Variants in NOS1 observed in about 807,000 individuals in gnomAD.
NOS1 encodes nitric oxide synthase 1, also known as NOS type I.
In NOS1, 51 loss-of-function variants were observed where a neutral mutation model predicts 164.5. The observed-to-expected ratio is 0.31, with a 90% CI of 0.25 to 0.39. NOS1 has a LOEUF of 0.39. Among genes scored for constraint, NOS1 ranks in the 10% least tolerant of loss-of-function variants. The probability of loss-of-function intolerance (pLI) is 1.00; values close to 1 mark genes in which losing one functional copy is unlikely to be tolerated. For synonymous variants in NOS1, 719 were observed against 745.8 expected, an observed-to-expected ratio of 0.96 and a Z score of 0.59; for missense variants, 1,362 against 1,885.6, an observed-to-expected ratio of 0.72 and a Z score of 5.14.
chr12:117,307,332 A>G (rs1317988292), intron 3 of NOS1, among the ~76,000 whole-genome samples: 1 of 152,112 alleles, frequency 6.6e-6, no homozygotes, highest in African/African-American at 2.4e-5. Flanking sequence ...GTGTGTGTAG[A>G]AATGAAGAAT....
chr12:117,255,836 G>A, intron 16 of NOS1: 1 of 638,216 alleles, frequency 1.6e-6, no homozygotes. Flanking sequence ...TTAGAACTCG[G>A]ATCTCCTTGA....
chr12:117,332,265 C>T (rs1875584430), intron 1 of NOS1, among the ~76,000 whole-genome samples: 1 of 152,170 alleles, frequency 6.6e-6, no homozygotes, highest in African/African-American at 2.4e-5. Flanking sequence ...TCGCTCTTAA[C>T]ACATATTTGT....
intron 28 of NOS1, among the ~76,000 whole-genome samples, chr12:117,217,820 TC>T (rs1229971129): frequency 6.6e-6 from 1 of 152,140 alleles, no homozygotes; most frequent in Non-Finnish European, 1.5e-5. Context: ...GCCTCAGGGT[TC>T]CCCTGGAGAA....
rs1243472085 is a variant in NOS1 at position 117,330,706 on chromosome 12, C to A, written c.364G>T (p.Val122Leu). The change falls in exon 2 of 29, where the codon GTG (valine) becomes TTG (leucine). Residue 122 changes from valine (V) to leucine (L), a missense_variant. Physicochemically the swap from Val to Leu is conservative, Grantham distance 32 (BLOSUM62 1). This residue lies in a region of NOS1 where 362 missense variants were observed against 402.0 expected (regional missense o/e 0.90). Transcript: ENST00000317775. The surrounding 1 kb of genome is among the most constrained non-coding windows in gnomAD (Gnocchi z 4.6). The part of the protein sequence containing the change: ...TGDGTPKTIR[V>L]TQPLGPPTKA... ...GTGGGGGGACCCAGGGGCTGTGTCA[C>A]CCGGATGGTCTTGGGGGTCCCATCA... The A allele has an allele frequency of 3.1e-6, 5 of 1,613,720 alleles. No homozygotes were observed. The highest frequency in any genetic ancestry group is 4.2e-6 in the Non-Finnish European group (5 of 1,179,902).
chr12:117,273,763 C>T (rs561894735), intron 9 of NOS1, among the ~76,000 whole-genome samples: 1 of 152,086 alleles, frequency 6.6e-6, no homozygotes, highest in African/African-American at 2.4e-5. Context: ...GTTCATCTGA[C>T]CCTAATCTCA....
At chr12:117,282,844 C>T (rs1225288244) in intron 7 of NOS1, among the ~76,000 whole-genome samples, 1 of 151,982 alleles carries the variant, frequency 6.6e-6, no homozygotes, top group Non-Finnish European at 1.5e-5. Context: ...TGTTTAGAAA[C>T]ACTAGAATCA....
chr12:117,284,630 GT>G (rs1351718026), intron 7 of NOS1, among the ~76,000 whole-genome samples: 2 of 152,136 alleles, frequency 1.3e-5, no homozygotes, highest in East Asian at 3.9e-4. Context: ...TCAACTATTT[GT>G]TCCTGTCCTC....
Position 117,243,012 on chromosome 12 carries a change from G to A in NOS1, c.2962+285C>T, listed in dbSNP as rs1334240892. Among the ~76,000 whole-genome samples the A allele has an allele frequency of 6.6e-6, 1 of 152,204 alleles. No homozygotes were observed. The highest frequency in any genetic ancestry group is 1.5e-5 in the Non-Finnish European group (1 of 68,034). On this transcript the variant is annotated intron_variant, in intron 19 of 28. Coordinates refer to ENST00000317775, the MANE Select transcript of NOS1 (RefSeq NM_000620.5). The surrounding 1 kb of genome is among the most constrained non-coding windows in gnomAD (Gnocchi z 4.3). The stretch of plus-strand genomic sequence containing the variant: ...GGCAGGCATTGGTTGGGATGGGTGG[G>A]GTGGTTGTGGGTAGTGCAGAACAAA...
chr12:117,262,488 G>GAA (rs1555253179), intron 13 of NOS1, among the ~76,000 whole-genome samples: 2 of 118,524 alleles, frequency 1.7e-5, no homozygotes, highest in Non-Finnish European at 3.2e-5. Flanking sequence ...AGGGGGAGGG[G>GAA]GAGAGAGAGA....
At chr12:117,333,713 G>A (rs953169701) in intron 1 of NOS1, among the ~76,000 whole-genome samples, 2 of 152,204 alleles carry the variant, frequency 1.3e-5, no homozygotes, top group African/African-American at 4.8e-5. Flanking sequence ...CGTCGCCCGC[G>A]TGCTGTGTCA....
intron 2 of NOS1, among the ~76,000 whole-genome samples, chr12:117,329,410 T>G (rs1468650215): frequency 6.6e-6 from 1 of 151,964 alleles, no homozygotes; most frequent in Non-Finnish European, 1.5e-5. Context: ...GGGGAAAGGG[T>G]TGGGAAATCT....
chr12:117,311,329 C>T (rs1874420313), intron 3 of NOS1, 137 bp downstream of exon 3: 1 of 1,056,418 alleles, frequency 9.5e-7, no homozygotes, highest in Non-Finnish European at 1.3e-6. Flanking sequence ...CTCGGCCTCC[C>T]AAGCTCTCCA....
chr12:117,340,553 G>T (rs1454793462), intron 1 of NOS1, among the ~76,000 whole-genome samples: 1 of 151,816 alleles, frequency 6.6e-6, no homozygotes, highest in Non-Finnish European at 1.5e-5. Context: ...ATTTTGAGAC[G>T]GAGTCTCACT....
chr12:117,331,472 G>C lies in NOS1; in HGVS notation c.-403C>G, dbSNP rs1405737175. The C allele has an allele frequency of 1.1e-5, 2 of 177,750 alleles. No homozygotes were observed. Among genetic ancestry groups the C allele is most frequent in the African/African-American group, 4.7e-5 (2 of 42,562 alleles). The allele number at this position is 177,750 out of a possible 1,614,324, so 11.0% of individuals were successfully genotyped here. On this transcript the variant is annotated 5_prime_UTR_variant, in exon 2 of 29. It adds an upstream start codon to the 5' untranslated region. Transcript: ENST00000317775. ...TTGCCAGCCTGTTAGATGCGGATCA[G>C]ATCTGAGGCATCATGAGCTGAAGAG...
rs149499912 is a variant in NOS1 at position 117,213,762 on chromosome 12, G to A, written c.*1547C>T. The A allele has an allele frequency of 3.9e-5, 38 of 985,382 alleles. No individual in the cohort carries two copies. The East Asian group carries it at 1.5e-3, about 38-fold the overall frequency. The allele number at this position is 985,382 out of a possible 1,614,324, so 61.0% of individuals were successfully genotyped here. On this transcript the variant is annotated 3_prime_UTR_variant, in exon 29 of 29. Transcript: ENST00000317775. ...CAGAACATTCCCTTTCCATCCTTGG[G>A]GACCCTGCAGTCTGGGAGGCCACTA...
chr12:117,273,373 G>A (rs1484455963), intron 9 of NOS1, among the ~76,000 whole-genome samples: 1 of 152,136 alleles, frequency 6.6e-6, no homozygotes, highest in Non-Finnish European at 1.5e-5. Flanking sequence ...TGAGTTCCCA[G>A]ATATCAGGCA....
intron 1 of NOS1, among the ~76,000 whole-genome samples, chr12:117,340,502 A>G (rs1876047003): frequency 6.6e-6 from 1 of 152,034 alleles, no homozygotes; most frequent in Non-Finnish European, 1.5e-5. Flanking sequence ...GGATACAAAG[A>G]GATAATAGTT....
At chr12:117,321,064 C>A (rs1338192977) in intron 2 of NOS1, among the ~76,000 whole-genome samples, 1 of 152,182 alleles carries the variant, frequency 6.6e-6, no homozygotes, top group South Asian at 2.1e-4. Context: ...GGCTGGAGTG[C>A]GGTGGCACGG....
At chr12:117,247,250 G>T in intron 18 of NOS1, 98 bp downstream of exon 18, 1 of 1,016,002 alleles carries the variant, frequency 9.8e-7, no homozygotes, top group Non-Finnish European at 1.4e-6. Context: ...GGTACTGAGG[G>T]TTCTCTCAAG....
Sources: allele counts gnomAD v4.1 joint callset (sites outside exome capture counted in the v4.1 genomes callset), GRCh38; gene constraint gnomAD v4.1.1; regional missense constraint gnomAD v4.1.1; non-coding constraint Gnocchi (gnomAD v3.1); transcripts MANE v1.5; gene names NCBI Gene and HGNC (gene_info 2026-07-23, HGNC 2026-07-21).